The following SAE1 variants were observed in gnomAD, a reference collection of about 807,000 sequenced individuals.
SAE1 encodes SUMO-activating enzyme subunit 1.
A neutral mutation model predicts 40.6 loss-of-function variants in SAE1; 11 were observed. That is an observed-to-expected ratio of 0.27 (90% CI 0.17 to 0.45). The LOEUF is 0.45. SAE1 is among the 20% of genes least tolerant of loss of function. The probability of loss-of-function intolerance (pLI) is 1.00; values close to 1 mark genes in which losing one functional copy is unlikely to be tolerated. For synonymous variants in SAE1, 155 were observed against 154.3 expected, an observed-to-expected ratio of 1.00 and a Z score of -0.03; for missense variants, 373 against 427.3, an observed-to-expected ratio of 0.87 and a Z score of 1.12.
chr19:47,166,905 C>T (rs1232357016), intron 5 of SAE1, among the ~76,000 whole-genome samples: 1 of 152,084 alleles, frequency 6.6e-6, no homozygotes, highest in African/African-American at 2.4e-5. Context: ...GATTTAACTC[C>T]TAAAGGAAAG....
At chr19:47,193,841 GAAAGAAAAGA>G (rs138416958) in intron 6 of SAE1, among the ~76,000 whole-genome samples, 2 of 141,172 alleles carry the variant, frequency 1.4e-5, no homozygotes, top group African/African-American at 5.3e-5. Flanking sequence ...AAAAAAAAAA[GAAAGAAAAGA>G]AAAAGAAAAA....
chr19:47,175,400 T>C (rs545654689), intron 6 of SAE1, among the ~76,000 whole-genome samples: 2 of 152,314 alleles, frequency 1.3e-5, no homozygotes, highest in South Asian at 4.1e-4. Context: ...ATTTAGACCA[T>C]GAGGTTTGTT....
In SAE1 at chr19:47,197,397, A is replaced by C. The variant is rs2058623328; in HGVS notation, c.878+20A>C. The C allele has an allele frequency of 2.5e-6, 4 of 1,608,096 alleles. No homozygotes were observed. The South Asian group carries it at 4.4e-5, about 18-fold the overall frequency. On this transcript the variant is annotated intron_variant, in intron 7 of 8. Transcript: ENST00000270225. ...TGTCAGGTTGGTGTCAGTATTTATC[A>C]CTGTTTAGTCTGGACAGATAAAGTT...
At chr19:47,185,052 T>G (rs2058535599) in intron 6 of SAE1, among the ~76,000 whole-genome samples, 1 of 151,942 alleles carries the variant, frequency 6.6e-6, no homozygotes, top group African/African-American at 2.4e-5. Flanking sequence ...ACTCCTGACC[T>G]CGGGTGATCC....
chr19:47,182,612 G>C (rs2058516990), intron 6 of SAE1, among the ~76,000 whole-genome samples: 1 of 151,912 alleles, frequency 6.6e-6, no homozygotes, highest in African/African-American at 2.4e-5. Flanking sequence ...TGAGGAGAAG[G>C]GCAGAGGTGA....
At position 47,153,056 on chromosome 19, in the gene SAE1, G is replaced by A. The variant is rs776182054; in HGVS notation, c.527+16G>A. The A allele has an allele frequency of 3.1e-6, 5 of 1,588,920 alleles. No homozygotes were observed. In the South Asian group the frequency reaches 4.6e-5, roughly 15 times the overall value. ...AGTTTGTAGAGTAAGTGTTGGGAGA[G>A]GAGGGGAGAACATAACATTTTCTCC... On this transcript the variant is annotated intron_variant, in intron 4 of 8. Coordinates refer to ENST00000270225, the MANE Select transcript of SAE1 (RefSeq NM_005500.3).
Position 47,186,978 on chromosome 19 carries a change from C to A in SAE1, c.734-10255C>A, listed in dbSNP as rs569736382. On this transcript the variant is annotated intron_variant, in intron 6 of 8. Coordinates refer to ENST00000270225, the MANE Select transcript of SAE1 (RefSeq NM_005500.3). ...GGGCAAGGCCTGGGGCTGTCTGGGT[C>A]GCTTCTGGGTCCCCACCACAGCTAG... Among the ~76,000 whole-genome samples, 3 of 152,134 alleles carry A rather than the reference C, an allele frequency of 2.0e-5. No individual in the cohort carries two copies. The East Asian group carries it at 5.8e-4, about 29-fold the overall frequency.
intron 6 of SAE1, among the ~76,000 whole-genome samples, chr19:47,170,890 A>G (rs931845920): frequency 8.5e-5 from 13 of 152,136 alleles, no homozygotes; most frequent in Non-Finnish European, 1.9e-4. Flanking sequence ...GCTATTAATG[A>G]ACTACTTATC....
chr19:47,160,406 T>TTG (rs1398137573), intron 5 of SAE1, among the ~76,000 whole-genome samples: 1 of 141,232 alleles, frequency 7.1e-6, no homozygotes, highest in Non-Finnish European at 1.5e-5. Flanking sequence ...TTTTTTTTTT[T>TTG]TTTTTTGAGA....
intron 1 of SAE1, among the ~76,000 whole-genome samples, chr19:47,141,792 T>A (rs996810924): frequency 7.2e-5 from 11 of 152,204 alleles, no homozygotes; most frequent in Non-Finnish European, 1.5e-4. Context: ...TATTCTTAGT[T>A]ATTACTAAAT....
At chr19:47,175,465 G>A (rs1264208929) in intron 6 of SAE1, among the ~76,000 whole-genome samples, 5 of 152,214 alleles carry the variant, frequency 3.3e-5, no homozygotes, top group East Asian at 1.9e-4. Flanking sequence ...GTCTGGGCGC[G>A]GTGGCTTATG....
At chr19:47,198,213 G>A (rs764345902) in intron 7 of SAE1, among the ~76,000 whole-genome samples, 1 of 152,050 alleles carries the variant, frequency 6.6e-6, no homozygotes, top group Non-Finnish European at 1.5e-5. Context: ...GGGTCCAAGC[G>A]ATTCTCCTAA....
chr19:47,173,786 CT>C lies in SAE1; in HGVS notation c.733+3879del, dbSNP rs749843235. Reference sequence around the variant, plus strand: ...TTGACTCCTTTCTTTTCTTTCTTTTCTTTTTTTTTTTTTTTTGAGACGGAGT... The same window carrying C: ...TTGACTCCTTTCTTTTCTTTCTTTTCTTTTTTTTTTTTTTTGAGACGGAGT... On this transcript the variant is annotated intron_variant, in intron 6 of 8. Transcript: ENST00000270225. 3.0e-3 allele frequency among the ~76,000 whole-genome samples: 418 copies of C among 140,994 alleles called. 1 individual carries two copies. Among genetic ancestry groups the C allele is most frequent in the Middle Eastern group, 7.4e-3 (2 of 272 alleles). The allele number at this position is 140,994 out of a possible 152,430, so 92.5% of individuals were successfully genotyped here.
At chr19:47,180,984 T>G (rs1026854755) in intron 6 of SAE1, among the ~76,000 whole-genome samples, 1 of 151,428 alleles carries the variant, frequency 6.6e-6, no homozygotes, top group Non-Finnish European at 1.5e-5. Flanking sequence ...TAGAGGAAGG[T>G]TTTTTTTCTT....
intron 6 of SAE1, among the ~76,000 whole-genome samples, chr19:47,187,174 A>T (rs966112310): frequency 1.3e-5 from 2 of 152,110 alleles, no homozygotes; most frequent in African/African-American, 4.8e-5. Context: ...GATGCCGTGA[A>T]TGGTTAGAGG....
chr19:47,178,604 T>C (rs894595838), intron 6 of SAE1, among the ~76,000 whole-genome samples: 2 of 152,120 alleles, frequency 1.3e-5, no homozygotes, highest in African/African-American at 4.8e-5. Context: ...CTCCAAGTAG[T>C]GGGGATCACA....
chr19:47,192,102 G>A (rs1188693760), intron 6 of SAE1, among the ~76,000 whole-genome samples: 1 of 151,816 alleles, frequency 6.6e-6, no homozygotes, highest in Non-Finnish European at 1.5e-5. Flanking sequence ...AGCTTTGGGA[G>A]CACCAAAGCC....
In SAE1 at chr19:47,210,034, A is replaced by T. The variant is rs554121030; in HGVS notation, c.*783A>T. On this transcript the variant is annotated 3_prime_UTR_variant, in exon 9 of 9. Transcript: ENST00000270225. ...GAGCCTGCCCTTTTAACAGAACCCC[A>T]GTCACATGCGGCTCAAGTCACTCAG... 6.6e-6 allele frequency: 1 copy of T among 152,200 alleles called. No individual in the cohort carries two copies. Among genetic ancestry groups the T allele is most frequent in the African/African-American group, 2.4e-5 (1 of 41,440 alleles). 9.4% of individuals were successfully genotyped at this position (152,200 alleles called of 1,614,324 possible).
intron 5 of SAE1, among the ~76,000 whole-genome samples, chr19:47,157,131 G>A (rs1055784575): frequency 3.3e-5 from 5 of 152,224 alleles, no homozygotes; most frequent in Admixed American, 2.0e-4. Context: ...GCAAGGCGGC[G>A]TTGGAGATTT....
Sources: allele counts gnomAD v4.1 joint callset (sites outside exome capture counted in the v4.1 genomes callset), GRCh38; gene constraint gnomAD v4.1.1; transcripts MANE v1.5; gene names NCBI Gene and HGNC (gene_info 2026-07-23, HGNC 2026-07-21).